ATL3: variants seen among roughly 807,000 people sequenced by gnomAD.
ATL3 encodes the protein atlastin-3.
ATL3 carries 49 observed loss-of-function variants against 69.5 expected under a neutral mutation model. That is an observed-to-expected ratio of 0.71 (90% CI 0.56 to 0.89). ATL3 has a LOEUF of 0.89. Among genes scored for constraint, ATL3 ranks in the 40% least tolerant of loss-of-function variants. The pLI is 0.00. For missense variants in ATL3, 606 were observed against 645.7 expected (o/e 0.94, Z 0.67); for synonymous variants, 214 against 224.1 (o/e 0.95, Z 0.40).
At chr11:63,630,205 G>A (rs952368328) in intron 12 of ATL3, among the ~76,000 whole-genome samples, 5 of 150,474 alleles carry the variant, frequency 3.3e-5, no homozygotes, top group South Asian at 2.1e-4. Context: ...CTGAGGTCAG[G>A]AGTTCAAGAC....
At chr11:63,645,732 C>T (rs2134494177) in intron 6 of ATL3, among the ~76,000 whole-genome samples, 1 of 152,034 alleles carries the variant, frequency 6.6e-6, no homozygotes, top group East Asian at 1.9e-4. Context: ...GCTGGGACTA[C>T]AGGCGTGCAC....
chr11:63,629,434 A>G, intron 12 of ATL3, 29 bp from the exon 13 acceptor site: 1 of 1,578,294 alleles, frequency 6.3e-7, no homozygotes, highest in Non-Finnish European at 8.7e-7. Flanking sequence ...TCAACATATA[A>G]GTTAATAAAA....
In ATL3 at chr11:63,653,105, T is replaced by C. The variant is rs150551903; in HGVS notation, c.406-530A>G. 2.7e-3 allele frequency among the ~76,000 whole-genome samples: 413 copies of C among 152,032 alleles called. 4 individuals are homozygous for C. The highest frequency in any genetic ancestry group is 8.7e-3 in the African/African-American group (362 of 41,484). Reference sequence around the variant, plus strand: ...ACTTCGGGAGGGAGGCAAAGTCAGGTGGATCACTTGAGGCCAGGAGTTCCA... The same window carrying C: ...ACTTCGGGAGGGAGGCAAAGTCAGGCGGATCACTTGAGGCCAGGAGTTCCA... On this transcript the variant is annotated intron_variant, in intron 3 of 12. Transcript: ENST00000398868.
chr11:63,663,291 T>A (rs1940476383), intron 1 of ATL3, among the ~76,000 whole-genome samples: 1 of 152,072 alleles, frequency 6.6e-6, no homozygotes, highest in East Asian at 1.9e-4. Flanking sequence ...GCTAATTTTT[T>A]AATTTTTTTG....
chr11:63,660,745 A>G (rs1940394912), intron 1 of ATL3, among the ~76,000 whole-genome samples: 1 of 152,164 alleles, frequency 6.6e-6, no homozygotes. Context: ...TCTCAAAAAC[A>G]GAAAGTTCAT....
At chr11:63,634,656 G>A (rs897788425) in intron 10 of ATL3, among the ~76,000 whole-genome samples, 2 of 152,108 alleles carry the variant, frequency 1.3e-5, no homozygotes, top group Non-Finnish European at 2.9e-5. Context: ...TTAACCAAAT[G>A]ACATTCTAGT....
chr11:63,632,416 G>A, intron 11 of ATL3: 4 of 841,172 alleles, frequency 4.8e-6, no homozygotes, highest in Non-Finnish European at 8.4e-6. Flanking sequence ...TATCCAAAGA[G>A]GTGACATTGT....
At chr11:63,657,284 A>G (rs540467660) in intron 3 of ATL3, among the ~76,000 whole-genome samples, 1 of 152,056 alleles carries the variant, frequency 6.6e-6, no homozygotes, top group Non-Finnish European at 1.5e-5. Context: ...GAAGTAATGG[A>G]TGAAAGTCTG....
At chr11:63,653,933 T>C (rs899236203) in intron 3 of ATL3, among the ~76,000 whole-genome samples, 9 of 152,212 alleles carry the variant, frequency 5.9e-5, no homozygotes, top group African/African-American at 2.2e-4. Context: ...ACTATACAGT[T>C]GTCAAAATCC....
At chr11:63,665,033 G>A (rs1940533892) in intron 1 of ATL3, among the ~76,000 whole-genome samples, 1 of 152,130 alleles carries the variant, frequency 6.6e-6, no homozygotes, top group Non-Finnish European at 1.5e-5. Context: ...TACAAGATGG[G>A]GTAATCCAAT....
At position 63,658,947 on chromosome 11, in the gene ATL3, T is replaced by G. The variant is rs781748338; in HGVS notation, c.262-43A>C. ...TTCTATTAAATCTTAAATTAAAAAT[T>G]TTATGCATCAAGGATAATCTATGAG... On this transcript the variant is annotated intron_variant, in intron 2 of 12. Coordinates refer to ENST00000398868, the MANE Select transcript of ATL3 (RefSeq NM_015459.5). 9 of 1,580,996 alleles carry G rather than the reference T, an allele frequency of 5.7e-6. No individual in the cohort carries two copies. In the Admixed American group the frequency reaches 9.4e-5, roughly 17 times the overall value.
intron 4 of ATL3, 56 bp downstream of exon 4, chr11:63,652,415 T>G: frequency 9.0e-7 from 1 of 1,112,502 alleles, no homozygotes; most frequent in East Asian, 2.5e-5. Flanking sequence ...AAACTGTATT[T>G]CCTCCCTTTA....
At chr11:63,647,506 T>C (rs1939923237) in intron 5 of ATL3, among the ~76,000 whole-genome samples, 1 of 152,234 alleles carries the variant, frequency 6.6e-6, no homozygotes. Context: ...AAAGTTTTTT[T>C]CTTAACATTT....
At chr11:63,669,892 G>C (rs1276418964) in intron 1 of ATL3, among the ~76,000 whole-genome samples, 1 of 151,994 alleles carries the variant, frequency 6.6e-6, no homozygotes, top group Non-Finnish European at 1.5e-5. Context: ...AGGGTGCAGT[G>C]AGCCGAGACT....
At chr11:63,661,556 C>A (rs1940419569) in intron 1 of ATL3, among the ~76,000 whole-genome samples, 1 of 151,868 alleles carries the variant, frequency 6.6e-6, no homozygotes, top group African/African-American at 2.4e-5. Context: ...CCAACTTGGC[C>A]AATATAGCGA....
upstream of ATL3, chr11:63,671,415 G>T: frequency 2.6e-6 from 4 of 1,519,464 alleles, no homozygotes; most frequent in Non-Finnish European, 3.5e-6. Context: ...CCGGGCCCTG[G>T]AAGCGGGAAA....
At chr11:63,634,213 GA>G (rs561149157) in intron 10 of ATL3, among the ~76,000 whole-genome samples, 3 of 135,184 alleles carry the variant, frequency 2.2e-5, no homozygotes, top group African/African-American at 5.6e-5. Flanking sequence ...AGAAGAAGAA[GA>G]AAAAAAAGGG....
At chr11:63,665,018 G>A (rs574950549) in intron 1 of ATL3, among the ~76,000 whole-genome samples, 13 of 152,292 alleles carry the variant, frequency 8.5e-5, no homozygotes, top group Middle Eastern at 3.4e-3. Context: ...ATAAAGTTAC[G>A]TGGTTACAAG....
At chr11:63,671,957 G>A (rs1940802831), upstream of ATL3, 1 of 194,922 alleles carries the variant, frequency 5.1e-6, no homozygotes. Flanking sequence ...CTCAACCCTG[G>A]ATGGCATGAA....
Sources: allele counts gnomAD v4.1 joint callset (sites outside exome capture counted in the v4.1 genomes callset), GRCh38; gene constraint gnomAD v4.1.1; transcripts MANE v1.5; gene names NCBI Gene and HGNC (gene_info 2026-07-23, HGNC 2026-07-21).